The following RNF24 variants were observed in gnomAD, a reference collection of about 807,000 sequenced individuals.
RNF24 encodes the protein ring finger protein 24.
RNF24 carries 14 observed loss-of-function variants against 20.0 expected under a neutral mutation model. The ratio of observed to expected loss-of-function variants is 0.70; its 90% CI spans 0.46 to 1.10. The LOEUF (loss-of-function observed/expected upper bound fraction) is 1.10. Ranked by LOEUF, RNF24 falls within the 50% of genes least tolerant of loss-of-function variation. RNF24 has a pLI of 0.00. For missense variants in RNF24, 124 were observed against 177.6 expected (o/e 0.70, Z 1.71); for synonymous variants, 45 against 61.1 (o/e 0.74, Z 1.23).
intron 2 of RNF24, among the ~76,000 whole-genome samples, chr20:3,954,101 A>G (rs549141179): frequency 3.3e-5 from 5 of 152,152 alleles, no homozygotes; most frequent in African/African-American, 1.2e-4. Flanking sequence ...TTTTACTCAC[A>G]TTACAACTAA....
intron 2 of RNF24, among the ~76,000 whole-genome samples, chr20:3,951,251 C>T (rs1282147925): frequency 6.6e-6 from 1 of 152,204 alleles, no homozygotes; most frequent in African/African-American, 2.4e-5. Flanking sequence ...GCCACCGCAC[C>T]AGGCCAGCCA....
chr20:3,977,060 G>A (rs941256622), intron 1 of RNF24, among the ~76,000 whole-genome samples: 2 of 152,000 alleles, frequency 1.3e-5, no homozygotes, highest in African/African-American at 4.8e-5. Flanking sequence ...AAAGAACTGT[G>A]ATATTAGAAC....
At chr20:3,984,394 C>G (rs1246665887) in intron 1 of RNF24, among the ~76,000 whole-genome samples, 1 of 152,104 alleles carries the variant, frequency 6.6e-6, no homozygotes, top group African/African-American at 2.4e-5. Context: ...ATTTGAGGAC[C>G]AGACACTGTA....
intron 1 of RNF24, chr20:3,974,485 C>T: frequency 3.3e-6 from 4 of 1,229,168 alleles, no homozygotes; most frequent in Non-Finnish European, 4.2e-6. Flanking sequence ...TTTGCCACAT[C>T]AACATCTACA....
intron 1 of RNF24, among the ~76,000 whole-genome samples, chr20:4,013,387 TAAAG>T (rs1414107267): frequency 6.6e-6 from 1 of 152,186 alleles, no homozygotes; most frequent in Non-Finnish European, 1.5e-5. Flanking sequence ...CAGAGAATCT[TAAAG>T]AAAACAGAAC....
At chr20:3,977,603 C>T (rs1379885446) in intron 1 of RNF24, among the ~76,000 whole-genome samples, 3 of 152,098 alleles carry the variant, frequency 2.0e-5, no homozygotes, top group Admixed American at 6.5e-5. Flanking sequence ...TGGTGGCTCA[C>T]GCCTGTAATC....
At chr20:3,992,979 G>A (rs968763605) in intron 1 of RNF24, among the ~76,000 whole-genome samples, 3 of 152,112 alleles carry the variant, frequency 2.0e-5, no homozygotes, top group African/African-American at 7.2e-5. Context: ...TATGGATTTT[G>A]ATTACATCCA....
intron 1 of RNF24, among the ~76,000 whole-genome samples, chr20:3,981,036 T>A (rs531922039): frequency 1.3e-5 from 2 of 152,148 alleles, no homozygotes; most frequent in East Asian, 3.9e-4. Flanking sequence ...CTGGCCCTAT[T>A]GTCAACAGAA....
chr20:3,981,519 T>C (rs1979379398), intron 1 of RNF24, among the ~76,000 whole-genome samples: 2 of 151,660 alleles, frequency 1.3e-5, no homozygotes, highest in African/African-American at 4.8e-5. Flanking sequence ...TTTCTTTTTT[T>C]TTTTTGAGAC....
chr20:3,998,160 G>A (rs765607528), intron 1 of RNF24, among the ~76,000 whole-genome samples: 8 of 152,204 alleles, frequency 5.3e-5, no homozygotes, highest in Non-Finnish European at 1.0e-4. Flanking sequence ...AAAAAATGTG[G>A]CCAGGCGTGG....
At chr20:3,997,686 A>T (rs916976786) in intron 1 of RNF24, among the ~76,000 whole-genome samples, 6 of 152,146 alleles carry the variant, frequency 3.9e-5, no homozygotes. Flanking sequence ...TTGGCATCCC[A>T]AAGTGTTGGG....
At chr20:3,946,061 C>G (rs965374277) in intron 3 of RNF24, among the ~76,000 whole-genome samples, 1 of 152,192 alleles carries the variant, frequency 6.6e-6, no homozygotes, top group Non-Finnish European at 1.5e-5. Flanking sequence ...ATCAAATTTA[C>G]TGTATGTCTT....
intron 1 of RNF24, among the ~76,000 whole-genome samples, chr20:4,010,519 G>C (rs1310341253): frequency 1.3e-5 from 2 of 152,046 alleles, no homozygotes; most frequent in African/African-American, 4.8e-5. Flanking sequence ...ATTTAATAAT[G>C]ACATATTTAA....
chr20:4,000,004 G>T (rs1223473608), intron 1 of RNF24, among the ~76,000 whole-genome samples: 1 of 152,114 alleles, frequency 6.6e-6, no homozygotes. Context: ...GCAAGGGAAG[G>T]GGGAGGAGCG....
Position 4,003,115 on chromosome 20 carries a change from G to A in RNF24, c.-8+12322C>T, listed in dbSNP as rs548985361. Among the ~76,000 whole-genome samples the A allele has an allele frequency of 9.9e-5, 15 of 152,186 alleles. 1 individual carries two copies. Among genetic ancestry groups the A allele is most frequent in the South Asian group, 8.3e-4 (4 of 4,812 alleles). ...CTTCTGAGTAGCTGGGATTATAGGC[G>A]CCTGCCACGGCGCCCGGCTAATTTT... On this transcript the variant is annotated intron_variant, in intron 1 of 5. Coordinates refer to ENST00000358395, the MANE Select transcript of RNF24 (RefSeq NM_001134337.3).
chr20:3,997,229 C>CAAA (rs1227396478), intron 1 of RNF24, among the ~76,000 whole-genome samples: 16 of 51,166 alleles, frequency 3.1e-4, no homozygotes, highest in Non-Finnish European at 3.7e-4. Context: ...GACTCCATCT[C>CAAA]AAAAAAAAAA....
chr20:3,965,242 G>T (rs1326286262), intron 1 of RNF24, among the ~76,000 whole-genome samples: 1 of 152,084 alleles, frequency 6.6e-6, no homozygotes, highest in African/African-American at 2.4e-5. Context: ...ACCAAGCAAA[G>T]AAAACTTCTA....
chr20:3,939,502 C>T (rs1264992273), intron 4 of RNF24, among the ~76,000 whole-genome samples: 1 of 152,204 alleles, frequency 6.6e-6, no homozygotes, highest in Admixed American at 6.5e-5. Context: ...AATCAACTGA[C>T]CATAAATGTT....
At chr20:3,972,831 C>T (rs147723719) in intron 1 of RNF24, among the ~76,000 whole-genome samples, 39 of 151,610 alleles carry the variant, frequency 2.6e-4, no homozygotes, top group African/African-American at 8.5e-4. Context: ...TGAATCCTGG[C>T]GGCGGAGATT....
Sources: allele counts gnomAD v4.1 joint callset (sites outside exome capture counted in the v4.1 genomes callset), GRCh38; gene constraint gnomAD v4.1.1; transcripts MANE v1.5; gene names NCBI Gene and HGNC (gene_info 2026-07-23, HGNC 2026-07-21).